Variants in KIAA1217 observed in about 807,000 individuals in gnomAD.
KIAA1217 encodes the protein KIAA1217.
In KIAA1217, 88 loss-of-function variants were observed where a neutral mutation model predicts 163.9. The ratio of observed to expected loss-of-function variants is 0.54; its 90% CI spans 0.45 to 0.64. The LOEUF (loss-of-function observed/expected upper bound fraction) is 0.64, where lower values mean the gene tolerates loss of function less well. KIAA1217 is among the 30% of genes least tolerant of loss of function. KIAA1217 has a pLI of 0.00. For missense variants in KIAA1217, 2,372 were observed against 2,475.0 expected, an observed-to-expected ratio of 0.96 and a Z score of 0.88; for synonymous variants, 903 against 923.1, an observed-to-expected ratio of 0.98 and a Z score of 0.39.
chr10:23,959,177 G>A, intron 1 of KIAA1217, among the ~76,000 whole-genome samples: 1 of 152,084 alleles, frequency 6.6e-6, no homozygotes, highest in East Asian at 1.9e-4. Flanking sequence ...TCAACACAGT[G>A]TAGGGGAGGA....
intron 2 of KIAA1217, among the ~76,000 whole-genome samples, chr10:24,372,677 G>A (rs963345563): frequency 6.6e-5 from 10 of 152,036 alleles, no homozygotes; most frequent in African/African-American, 9.7e-5. Flanking sequence ...AATGTTACCC[G>A]TAATCCCACC....
intron 1 of KIAA1217, among the ~76,000 whole-genome samples, chr10:23,812,903 A>G (rs1837139686): frequency 6.6e-6 from 1 of 152,168 alleles, no homozygotes; most frequent in African/African-American, 2.4e-5. Context: ...GCTGTTATGA[A>G]CATTCATGTG....
intron 1 of KIAA1217, among the ~76,000 whole-genome samples, chr10:23,918,264 G>A (rs1403916496): frequency 6.6e-6 from 1 of 151,568 alleles, no homozygotes; most frequent in African/African-American, 2.4e-5. Flanking sequence ...TAAAGTGCTG[G>A]GATAACAGGC....
chr10:24,254,322 G>C (rs2074896204), intron 2 of KIAA1217, among the ~76,000 whole-genome samples: 1 of 152,220 alleles, frequency 6.6e-6, no homozygotes, highest in African/African-American at 2.4e-5. Flanking sequence ...TGAGAAAACA[G>C]CCTCAGAGAA....
chr10:23,709,806 A>G (rs1837131825), intron 1 of KIAA1217, among the ~76,000 whole-genome samples: 1 of 152,184 alleles, frequency 6.6e-6, no homozygotes, highest in South Asian at 2.1e-4. Flanking sequence ...GAGATGAAGT[A>G]ACTCACCCAA....
intron 1 of KIAA1217, among the ~76,000 whole-genome samples, chr10:23,728,088 A>G (rs1191336679): frequency 6.6e-6 from 1 of 152,188 alleles, no homozygotes; most frequent in Non-Finnish European, 1.5e-5. Context: ...TGCTATTGTG[A>G]ATAATGCTGC....
At chr10:24,513,104 T>C (rs908255210) in intron 9 of KIAA1217, among the ~76,000 whole-genome samples, 155 bp from the exon 10 acceptor site, 1 of 152,230 alleles carries the variant, frequency 6.6e-6, no homozygotes, top group African/African-American at 2.4e-5. Flanking sequence ...AGCCACATTA[T>C]GTACAGTCTT....
At chr10:24,368,833 C>A (rs1026770372) in intron 2 of KIAA1217, 2 of 983,468 alleles carry the variant, frequency 2.0e-6, no homozygotes, top group African/African-American at 3.5e-5. Context: ...GAGAGTAACA[C>A]CAGCTTACTA....
At chr10:23,855,279 A>T (rs920543569) in intron 1 of KIAA1217, among the ~76,000 whole-genome samples, 1 of 152,122 alleles carries the variant, frequency 6.6e-6, no homozygotes, top group Admixed American at 6.5e-5. Context: ...TATGAAGCTT[A>T]GTTTGGGTGG....
At position 24,544,375 on chromosome 10, in the gene KIAA1217, G is replaced by A. The variant is rs2075452684; in HGVS notation, c.5105G>A (p.Ser1702Asn). 1.2e-6 allele frequency: 2 copies of A among 1,613,942 alleles called. No individual in the cohort carries two copies. The highest frequency in any genetic ancestry group is 1.3e-5 in the African/African-American group (1 of 74,868). Residue 1702 changes from serine (S) to asparagine (N), a missense_variant, in exon 19 of 21, where the codon AGT (serine) becomes AAT (asparagine). Coordinates refer to ENST00000376454, the MANE Select transcript of KIAA1217 (RefSeq NM_019590.5). ...TCTTCCAACAGAGATTCTGTTGCAA[G>A]TTCATCCCACATAGCCCAAGAGGCC... ...SCSSNRDSVASSSHIAQEASP... is the reference protein window; with the variant it reads ...SCSSNRDSVANSSHIAQEASP...
chr10:23,736,521 G>A (rs1838813435), intron 1 of KIAA1217, among the ~76,000 whole-genome samples: 1 of 151,770 alleles, frequency 6.6e-6, no homozygotes, highest in South Asian at 2.1e-4. Flanking sequence ...GTGATAAGTT[G>A]TTGTTTTTTA....
At chr10:24,057,309 A>G (rs999715005) in intron 2 of KIAA1217, among the ~76,000 whole-genome samples, 3 of 152,220 alleles carry the variant, frequency 2.0e-5, no homozygotes, top group African/African-American at 7.2e-5. Context: ...GCCTCTTAAC[A>G]CATTTTTAAG....
intron 3 of KIAA1217, among the ~76,000 whole-genome samples, chr10:24,381,396 G>A (rs2053280759): frequency 6.6e-6 from 1 of 152,152 alleles, no homozygotes; most frequent in Non-Finnish European, 1.5e-5. Context: ...GTACCAGTCT[G>A]TGGCCTGTTA....
At chr10:24,220,645 G>T (rs1359506925) in intron 2 of KIAA1217, among the ~76,000 whole-genome samples, 14 of 150,930 alleles carry the variant, frequency 9.3e-5, no homozygotes, top group Non-Finnish European at 1.3e-4. Flanking sequence ...TAGTAGAGAC[G>T]GTGTTTCATC....
intron 2 of KIAA1217, among the ~76,000 whole-genome samples, chr10:24,234,385 C>T (rs975212220): frequency 2.0e-5 from 3 of 151,950 alleles, no homozygotes; most frequent in East Asian, 3.9e-4. Flanking sequence ...ATATATCGGC[C>T]GGGTGCGGTG....
intron 1 of KIAA1217, among the ~76,000 whole-genome samples, chr10:23,996,201 G>A (rs1399938067): frequency 6.6e-6 from 1 of 152,114 alleles, no homozygotes; most frequent in East Asian, 1.9e-4. Context: ...CAAACCAAAT[G>A]CAGTCATTTC....
chr10:23,934,179 C>T (rs1843375072), intron 1 of KIAA1217, among the ~76,000 whole-genome samples: 1 of 152,120 alleles, frequency 6.6e-6, no homozygotes, highest in South Asian at 2.1e-4. Flanking sequence ...AAATGTGGTA[C>T]ATGTACACCG....
At chr10:24,078,160 A>T (rs769981846) in intron 2 of KIAA1217, among the ~76,000 whole-genome samples, 10 of 152,188 alleles carry the variant, frequency 6.6e-5, no homozygotes, top group Admixed American at 1.3e-4. Context: ...TACCATTTAA[A>T]ACTAGTAATA....
chr10:24,376,117 G>T (rs11014070), intron 2 of KIAA1217, among the ~76,000 whole-genome samples: 18,385 of 152,212 alleles, frequency 0.12, 1,285 homozygotes, highest in South Asian at 0.31. Context: ...ATGAAATCAT[G>T]ACCGTCTTTT....
Sources: allele counts gnomAD v4.1 joint callset (sites outside exome capture counted in the v4.1 genomes callset), GRCh38; gene constraint gnomAD v4.1.1; transcripts MANE v1.5; gene names NCBI Gene and HGNC (gene_info 2026-07-23, HGNC 2026-07-21).